Variants in P4HA1 observed in about 807,000 individuals in gnomAD.
P4HA1 encodes prolyl 4-hydroxylase subunit alpha 1.
P4HA1 carries 24 observed loss-of-function variants against 72.8 expected under a neutral mutation model. The ratio of observed to expected loss-of-function variants is 0.33; its 90% CI spans 0.24 to 0.46. The LOEUF (loss-of-function observed/expected upper bound fraction) is 0.46, where lower values mean the gene tolerates loss of function less well. P4HA1 is among the 20% of genes least tolerant of loss of function. P4HA1 has a pLI of 1.00. For synonymous variants in P4HA1, 201 were observed against 218.8 expected, an observed-to-expected ratio of 0.92 and a Z score of 0.72; for missense variants, 446 against 640.6, an observed-to-expected ratio of 0.70 and a Z score of 3.28.
At chr10:73,064,005 T>C (rs747641429) in intron 5 of P4HA1, among the ~76,000 whole-genome samples, 2 of 152,044 alleles carry the variant, frequency 1.3e-5, no homozygotes, top group Admixed American at 6.6e-5. Flanking sequence ...AAAAGCTTCA[T>C]ATAAAAAGCA....
Position 73,053,548 on chromosome 10 carries a change from T to C in P4HA1, c.506A>G (p.Glu169Gly). The C allele has an allele frequency of 6.2e-7, 1 of 1,613,922 alleles. No individual in the cohort carries two copies. Among genetic ancestry groups the C allele is most frequent in the Non-Finnish European group, 8.5e-7 (1 of 1,179,838 alleles). ...TTCTGTATAGGCCACTTTGCCCAAC[T>C]CAAAGCAGTCCTCAGCCGTTAGAAA... ...KSFLTAEDCFELGKVAYTEAD... is the reference protein window; with the variant it reads ...KSFLTAEDCFGLGKVAYTEAD... Residue 169 changes from glutamate to glycine, a missense_variant, in exon 6 of 15, where the codon GAG becomes GGG. Transcript: ENST00000394890.
At chr10:73,034,734 T>C (rs901943165) in intron 9 of P4HA1, among the ~76,000 whole-genome samples, 1 of 151,760 alleles carries the variant, frequency 6.6e-6, no homozygotes, top group Non-Finnish European at 1.5e-5. Flanking sequence ...ACTACAGGCA[T>C]GCACCACCAT....
intron 5 of P4HA1, among the ~76,000 whole-genome samples, chr10:73,063,958 G>A (rs780173797): frequency 8.0e-5 from 12 of 150,116 alleles, no homozygotes; most frequent in Non-Finnish European, 1.8e-4. Context: ...AGAAGAAAAT[G>A]AAATAAGGAA....
chr10:73,033,373 C>G (rs970568003), intron 9 of P4HA1, among the ~76,000 whole-genome samples: 1 of 152,088 alleles, frequency 6.6e-6, no homozygotes, highest in Non-Finnish European at 1.5e-5. Flanking sequence ...TTATCTTTTC[C>G]TCTTGTACTT....
chr10:73,060,962 AC>A (rs1841298076), intron 5 of P4HA1, among the ~76,000 whole-genome samples: 1 of 152,196 alleles, frequency 6.6e-6, no homozygotes, highest in South Asian at 2.1e-4. Context: ...GTTCAGGGTA[AC>A]CAAATGGTTC....
rs1208797554 is a variant in P4HA1 at position 73,007,379 on chromosome 10, C to A, written c.*843G>T. ...TTGTACATTTTTAAACTTCCAGTCTCCTAAGGCACAGTATTTAATCAGAAT... is the reference window on the plus strand; with the variant it reads ...TTGTACATTTTTAAACTTCCAGTCTACTAAGGCACAGTATTTAATCAGAAT... On this transcript the variant is annotated 3_prime_UTR_variant, in exon 15 of 15. Transcript: ENST00000394890. 1 of 152,554 alleles carries A rather than the reference C, an allele frequency of 6.6e-6. No individual in the cohort carries two copies. The highest frequency in any genetic ancestry group is 1.5e-5 in the Non-Finnish European group (1 of 68,022). 9.5% of individuals were successfully genotyped at this position (152,554 alleles called of 1,614,324 possible).
At chr10:73,090,784 G>A (rs1261655197) in intron 1 of P4HA1, among the ~76,000 whole-genome samples, 1 of 152,060 alleles carries the variant, frequency 6.6e-6, no homozygotes, top group Non-Finnish European at 1.5e-5. Context: ...CTGCAGGCCA[G>A]GTGCGGTGGC....
At chr10:73,058,991 T>C (rs978563685) in intron 5 of P4HA1, among the ~76,000 whole-genome samples, 1 of 152,010 alleles carries the variant, frequency 6.6e-6, no homozygotes, top group African/African-American at 2.4e-5. Flanking sequence ...TTGGCCAGGC[T>C]GGTCTCAAAC....
chr10:73,060,616 T>C (rs1310279749), intron 5 of P4HA1, among the ~76,000 whole-genome samples: 1 of 152,094 alleles, frequency 6.6e-6, no homozygotes, highest in African/African-American at 2.4e-5. Context: ...CAAGGCTCAT[T>C]GAAGAAATGC....
At chr10:73,088,994 T>C (rs1841973966) in intron 1 of P4HA1, among the ~76,000 whole-genome samples, 1 of 152,336 alleles carries the variant, frequency 6.6e-6, no homozygotes, top group African/African-American at 2.4e-5. Flanking sequence ...TCCATATTAA[T>C]TTTAGAATCG....
At chr10:73,066,579 G>A (rs1310057654) in intron 5 of P4HA1, among the ~76,000 whole-genome samples, 4 of 152,010 alleles carry the variant, frequency 2.6e-5, no homozygotes, top group South Asian at 2.1e-4. Context: ...GTGTAGTGGC[G>A]TGATCACAGC....
intron 9 of P4HA1, among the ~76,000 whole-genome samples, chr10:73,037,370 G>C (rs1453127695): frequency 4.0e-5 from 6 of 148,938 alleles, no homozygotes; most frequent in Admixed American, 2.7e-4. Context: ...CAGAGTAAGG[G>C]AGCAACATTC....
chr10:73,037,564 TATATA>T (rs1170181409), intron 9 of P4HA1, among the ~76,000 whole-genome samples: 180 of 32,312 alleles, frequency 5.6e-3, no homozygotes, highest in African/African-American at 0.011. Flanking sequence ...TATATATATA[TATATA>T]TATTTTTTTT....
At chr10:73,023,220 G>GA (rs1195726205) in intron 10 of P4HA1, among the ~76,000 whole-genome samples, 2 of 152,182 alleles carry the variant, frequency 1.3e-5, no homozygotes, top group African/African-American at 4.8e-5. Context: ...TGAAATGAAG[G>GA]AAAAAATCTT....
At position 73,008,177 on chromosome 10, in the gene P4HA1, G is replaced by C. The variant is rs1839834079; in HGVS notation, c.*45C>G. The C allele has an allele frequency of 8.8e-7, 1 of 1,140,820 alleles. No homozygotes were observed. Among genetic ancestry groups the C allele is most frequent in the Non-Finnish European group, 1.3e-6 (1 of 754,582 alleles). The allele number at this position is 1,140,820 out of a possible 1,614,324, so 70.7% of individuals were successfully genotyped here. ...TTAAGACTAGGAAATGTGTATATCAGACACATAAGAGTACAACAATAGGAG... is the reference window on the plus strand; with the variant it reads ...TTAAGACTAGGAAATGTGTATATCACACACATAAGAGTACAACAATAGGAG... On this transcript the variant is annotated 3_prime_UTR_variant, in exon 15 of 15. Coordinates refer to ENST00000394890, the MANE Select transcript of P4HA1 (RefSeq NM_001017962.3).
intron 14 of P4HA1, 41 bp from the exon 15 acceptor site, chr10:73,008,333 T>A: frequency 8.2e-7 from 1 of 1,225,706 alleles, no homozygotes; most frequent in Non-Finnish European, 1.2e-6. Flanking sequence ...CCCCTTAATC[T>A]AATCAGTATT....
At chr10:73,018,267 G>T (rs1840054645) in intron 10 of P4HA1, among the ~76,000 whole-genome samples, 1 of 152,116 alleles carries the variant, frequency 6.6e-6, no homozygotes, top group Non-Finnish European at 1.5e-5. Context: ...AGCCTGAGCT[G>T]AAACAGCACA....
intron 11 of P4HA1, 25 bp from the exon 12 acceptor site, chr10:73,014,314 C>A (rs1161948423): frequency 6.4e-7 from 1 of 1,563,206 alleles, no homozygotes; most frequent in Admixed American, 1.7e-5. Flanking sequence ...ACAGTAAATT[C>A]AATGGTGTAA....
At chr10:73,041,569 C>A (rs1238093996) in intron 9 of P4HA1, among the ~76,000 whole-genome samples, 2 of 148,002 alleles carry the variant, frequency 1.4e-5, no homozygotes, top group African/African-American at 2.6e-5. Context: ...AAAAAGAATT[C>A]TCTGACCTTC....
Sources: gnomAD v4.1 joint callset for allele counts (sites outside exome capture counted in the v4.1 genomes callset) on GRCh38, gnomAD v4.1.1 for gene constraint, MANE v1.5 for transcripts, NCBI Gene and HGNC (gene_info 2026-07-23, HGNC 2026-07-21) for gene names.